GIMAP2: variants seen among roughly 807,000 people sequenced by gnomAD.
GIMAP2 encodes GTPase, IMAP family member 2, also known as GTPase IMAP family member 2.
GIMAP2 carries 22 observed loss-of-function variants against 25.5 expected under a neutral mutation model. That is an observed-to-expected ratio of 0.86 (90% CI 0.62 to 1.23). The LOEUF is 1.23. Among genes scored for constraint, GIMAP2 ranks in the 50% most tolerant of loss-of-function variants. The pLI is 0.00. For synonymous variants in GIMAP2, 167 were observed against 143.0 expected, an observed-to-expected ratio of 1.17 and a Z score of -1.20; for missense variants, 422 against 395.7, an observed-to-expected ratio of 1.07 and a Z score of -0.56.
In GIMAP2 at chr7:150,693,421, T is replaced by A; in HGVS notation, c.*121T>A. ...TCTATGAAATGTTTAAATCTGAACA[T>A]CACTCCAATTATTAATGAACCAAAT... On this transcript the variant is annotated 3_prime_UTR_variant, in exon 3 of 3. Coordinates refer to ENST00000223293, the MANE Select transcript of GIMAP2 (RefSeq NM_015660.3). 6.6e-6 allele frequency: 4 copies of A among 608,346 alleles called. No homozygotes were observed. The highest frequency in any genetic ancestry group is 1.1e-5 in the Non-Finnish European group (4 of 360,308). The allele number at this position is 608,346 out of a possible 1,614,324, so 37.7% of individuals were successfully genotyped here. A position where few individuals can be genotyped will look rare whatever the true frequency, so the allele number is the denominator to read the frequency against.
chr7:150,689,608 C>T (rs1033080971), intron 2 of GIMAP2: 1 of 697,082 alleles, frequency 1.4e-6, no homozygotes, highest in Non-Finnish European at 2.6e-6. Context: ...TGCCTGCTTC[C>T]TTTTAAGTAC....
In GIMAP2 at chr7:150,692,315, G is replaced by A. The variant is rs747850493; in HGVS notation, c.29G>A (p.Gly10Glu). The change falls in exon 3 of 3, where the codon GGA (glycine) becomes GAA (glutamate). Residue 10 changes from glycine to glutamate, a missense_variant and splice_region_variant. By Grantham distance (98) the Gly-to-Glu change is moderately conservative. Coordinates refer to ENST00000223293, the MANE Select transcript of GIMAP2 (RefSeq NM_015660.3). The part of the protein sequence containing the change: MDQNEHSHW[G>E]PHAKGQCASR... Reference sequence around the variant, plus strand: ...AACACAGTAAACTTGCTCCTCACAGGACCACATGCAAAGGGCCAATGTGCC... The same window carrying A: ...AACACAGTAAACTTGCTCCTCACAGAACCACATGCAAAGGGCCAATGTGCC... 1 of 1,612,870 alleles carries A rather than the reference G, an allele frequency of 6.2e-7. No homozygotes were observed.
intron 1 of GIMAP2, among the ~76,000 whole-genome samples, chr7:150,686,800 T>A (rs1585205491): frequency 1.3e-5 from 2 of 151,562 alleles, no homozygotes; most frequent in South Asian, 4.2e-4. Flanking sequence ...AAAAATTAGA[T>A]GGGCATGGTG....
Position 150,692,399 on chromosome 7 carries a change from C to T in GIMAP2, c.113C>T (p.Ala38Val). 1 of 1,614,150 alleles carries T rather than the reference C, an allele frequency of 6.2e-7. No individual in the cohort carries two copies. The highest frequency in any genetic ancestry group is 8.5e-7 in the Non-Finnish European group (1 of 1,179,994). ...VGKTGTGKSA[A>V]GNSILRKQAF... ...AAAACAGGAACTGGCAAAAGTGCTGCAGGGAACAGCATCCTCAGGAAGCAA... is the reference window on the plus strand; with the variant it reads ...AAAACAGGAACTGGCAAAAGTGCTGTAGGGAACAGCATCCTCAGGAAGCAA... Residue 38 changes from alanine (A) to valine (V), a missense_variant, in exon 3 of 3, where the codon GCA (alanine) becomes GTA (valine). Ala to Val is a moderately conservative substitution (Grantham distance 64). Coordinates refer to ENST00000223293, the MANE Select transcript of GIMAP2 (RefSeq NM_015660.3).
rs572246581 is a variant in GIMAP2 at position 150,692,277 on chromosome 7, T to C, written c.29-38T>C. 2.4e-5 allele frequency: 37 copies of C among 1,572,008 alleles called. No individual in the cohort carries two copies. In the South Asian group the frequency reaches 4.1e-4, roughly 17 times the overall value. On this transcript the variant is annotated intron_variant, in intron 2 of 2. Coordinates refer to ENST00000223293, the MANE Select transcript of GIMAP2 (RefSeq NM_015660.3). Reference sequence around the variant, plus strand: ...AAAAAAAAATATTCCACTGCCGTGATCAGTGTAGCGATAACACAGTAAACT... The same window carrying C: ...AAAAAAAAATATTCCACTGCCGTGACCAGTGTAGCGATAACACAGTAAACT...
chr7:150,693,397 C>A lies in GIMAP2; in HGVS notation c.*97C>A. 1.3e-6 allele frequency: 1 copy of A among 746,326 alleles called. No individual in the cohort carries two copies. The highest frequency in any genetic ancestry group is 2.1e-6 in the Non-Finnish European group (1 of 473,440). 46.2% of individuals were successfully genotyped at this position (746,326 alleles called of 1,614,324 possible). On this transcript the variant is annotated 3_prime_UTR_variant, in exon 3 of 3. Transcript: ENST00000223293. ...GGTACCTGAAGTCATATTTGAGATT[C>A]TATGAAATGTTTAAATCTGAACATC... is the stretch of plus-strand genomic sequence containing the variant.
chr7:150,687,717 T>G (rs1044135801), intron 2 of GIMAP2, among the ~76,000 whole-genome samples: 2 of 150,048 alleles, frequency 1.3e-5, no homozygotes, highest in African/African-American at 4.9e-5. Flanking sequence ...CATAGGTTCT[T>G]TGTGTGTGTG....
chr7:150,691,857 A>G (rs1796968470), intron 2 of GIMAP2, among the ~76,000 whole-genome samples: 1 of 152,194 alleles, frequency 6.6e-6, no homozygotes, highest in South Asian at 2.1e-4. Flanking sequence ...TACAGCAATC[A>G]AGTTAGCTTT....
chr7:150,687,641 C>G (rs1407542179), intron 2 of GIMAP2: 1 of 152,098 alleles, frequency 6.6e-6, no homozygotes, highest in Non-Finnish European at 1.5e-5. Flanking sequence ...ATGCACAAAT[C>G]TTTCAGATCT....
At chr7:150,689,037 A>C (rs1390823416) in intron 2 of GIMAP2, among the ~76,000 whole-genome samples, 1 of 152,208 alleles carries the variant, frequency 6.6e-6, no homozygotes, top group African/African-American at 2.4e-5. Flanking sequence ...CCTTCTGTCC[A>C]TGGGAAACCC....
intron 2 of GIMAP2, among the ~76,000 whole-genome samples, chr7:150,689,037 A>G (rs1390823416): frequency 6.6e-6 from 1 of 152,208 alleles, no homozygotes; most frequent in African/African-American, 2.4e-5. Context: ...CCTTCTGTCC[A>G]TGGGAAACCC....
chr7:150,686,756 C>T (rs568456111), intron 1 of GIMAP2, among the ~76,000 whole-genome samples: 5 of 151,552 alleles, frequency 3.3e-5, no homozygotes, highest in Non-Finnish European at 7.4e-5. Flanking sequence ...CCAGCCTGGC[C>T]AACATGGTGA....
chr7:150,686,251 G>A (rs905507368), intron 1 of GIMAP2, among the ~76,000 whole-genome samples: 7 of 152,174 alleles, frequency 4.6e-5, no homozygotes, highest in Non-Finnish European at 1.0e-4. Flanking sequence ...GGACTGCACG[G>A]TTTCCCAGAG....
At chr7:150,687,212 A>T in intron 2 of GIMAP2, 125 bp downstream of exon 2, 1 of 782,870 alleles carries the variant, frequency 1.3e-6, no homozygotes, top group Non-Finnish European at 2.1e-6. Context: ...TCTTATTCTA[A>T]CTCCCACAGC....
At chr7:150,688,007 T>C (rs1181050402) in intron 2 of GIMAP2, among the ~76,000 whole-genome samples, 2 of 152,188 alleles carry the variant, frequency 1.3e-5, no homozygotes, top group Non-Finnish European at 2.9e-5. Context: ...ATAGGAGGTC[T>C]CTGGCTTCAT....
At chr7:150,687,155 T>TGTGTGTGTGTGTGTGTGTGTGTGTGTG (rs1796913382) in intron 2 of GIMAP2, 68 bp downstream of exon 2, 1 of 1,106,044 alleles carries the variant, frequency 9.0e-7, no homozygotes, top group African/African-American at 1.7e-5. Context: ...TGTGTGTGTG[T>TGTGTGTGTGTGTGTGTGTGTGTGTGTG]TTGGCTCTTC....
At chr7:150,689,141 C>A (rs1259128516) in intron 2 of GIMAP2, among the ~76,000 whole-genome samples, 2 of 152,194 alleles carry the variant, frequency 1.3e-5, no homozygotes, top group Admixed American at 1.3e-4. Context: ...AAATAGACAC[C>A]AATTTCCATG....
chr7:150,689,969 G>T (rs1338883292), intron 2 of GIMAP2, among the ~76,000 whole-genome samples: 2 of 152,136 alleles, frequency 1.3e-5, no homozygotes, highest in Non-Finnish European at 2.9e-5. Flanking sequence ...AAATGTTTTA[G>T]CTGAGATTCT....
Position 150,692,675 on chromosome 7 carries a change from A to G in GIMAP2, c.389A>G (p.Lys130Arg). The G allele has an allele frequency of 6.2e-7, 1 of 1,614,164 alleles. No homozygotes were observed. Among genetic ancestry groups the G allele is most frequent in the Non-Finnish European group, 8.5e-7 (1 of 1,180,004 alleles). ...SQDQQAAQRV[K>R]EIFGEDAMGH... is the part of the protein sequence containing the mutation. Reference sequence around the variant, plus strand: ...GACCAGCAGGCTGCACAGAGGGTGAAGGAGATCTTTGGAGAGGATGCCATG... The same window carrying G: ...GACCAGCAGGCTGCACAGAGGGTGAGGGAGATCTTTGGAGAGGATGCCATG... Residue 130 changes from lysine (K) to arginine (R), a missense_variant, in exon 3 of 3, where the codon AAG (lysine) becomes AGG (arginine). Coordinates refer to ENST00000223293, the MANE Select transcript of GIMAP2 (RefSeq NM_015660.3).
Sources: allele counts gnomAD v4.1 joint callset (sites outside exome capture counted in the v4.1 genomes callset), GRCh38; gene constraint gnomAD v4.1.1; transcripts MANE v1.5; gene names NCBI Gene and HGNC (gene_info 2026-07-23, HGNC 2026-07-21).